The following GRIN2A variants were observed in gnomAD, a reference collection of about 807,000 sequenced individuals.
The protein encoded by GRIN2A is glutamate ionotropic receptor NMDA type subunit 2A, also known as glutamate receptor ionotropic, NMDA 2A.
A neutral mutation model predicts 113.4 loss-of-function variants in GRIN2A; 22 were observed. That is an observed-to-expected ratio of 0.19 (90% confidence interval 0.14 to 0.28). The LOEUF (loss-of-function observed/expected upper bound fraction) is 0.28, where lower values mean the gene tolerates loss of function less well. GRIN2A is among the 10% of genes least tolerant of loss of function. The pLI, the probability that GRIN2A is intolerant of heterozygous loss-of-function variation, is 1.00. For missense variants in GRIN2A, 1,502 were observed against 1,887.0 expected (o/e 0.80, Z 3.78); for synonymous variants, 827 against 738.4 (o/e 1.12, Z -1.94).
At chr16:10,101,830 G>A (rs12935686) in intron 2 of GRIN2A, among the ~76,000 whole-genome samples, 40,034 of 152,102 alleles carry the variant, frequency 0.26, 5,927 homozygotes, top group Non-Finnish European at 0.33. Flanking sequence ...CTCTAGGAGG[G>A]AATGGTTATT....
At chr16:9,873,116 G>A (rs945832502) in intron 4 of GRIN2A, among the ~76,000 whole-genome samples, 6 of 152,138 alleles carry the variant, frequency 3.9e-5, no homozygotes, top group African/African-American at 4.8e-5. Context: ...ACTTGTAAGT[G>A]GGAGCTAAAT....
At chr16:10,119,414 A>G (rs2048791191) in intron 2 of GRIN2A, among the ~76,000 whole-genome samples, 1 of 152,236 alleles carries the variant, frequency 6.6e-6, no homozygotes, top group Non-Finnish European at 1.5e-5. Context: ...TTTTCCAGAA[A>G]TCTGTTAATT....
In GRIN2A at chr16:9,754,493, C is replaced by T; in HGVS notation, c.*8656G>A. 1 of 211,970 alleles carries T rather than the reference C, an allele frequency of 4.7e-6. No individual in the cohort carries two copies. Among genetic ancestry groups the T allele is most frequent in the Admixed American group, 5.9e-5 (1 of 17,026 alleles). 13.1% of individuals were successfully genotyped at this position (211,970 alleles called of 1,614,324 possible). A position where few individuals can be genotyped will look rare whatever the true frequency, so the allele number is the denominator to read the frequency against. The stretch of plus-strand genomic sequence containing the variant: ...ACATGAATGTTAAAAGTTCCACTTT[C>T]ATCTTTTCAAATTCATCAAAAATTT... On this transcript the variant is annotated 3_prime_UTR_variant, in exon 13 of 13. Coordinates refer to ENST00000330684, the MANE Select transcript of GRIN2A (RefSeq NM_001134407.3).
intron 9 of GRIN2A, among the ~76,000 whole-genome samples, chr16:9,827,722 C>T (rs928704251): frequency 6.6e-6 from 1 of 152,140 alleles, no homozygotes; most frequent in Non-Finnish European, 1.5e-5. Context: ...GGGCTGGGCA[C>T]ACAGCGCTGC....
At chr16:9,967,358 G>A (rs546836778) in intron 2 of GRIN2A, among the ~76,000 whole-genome samples, 15 of 152,248 alleles carry the variant, frequency 9.9e-5, no homozygotes, top group Non-Finnish European at 1.3e-4. Context: ...ACCAAATATC[G>A]TTATGTTCTC....
chr16:10,042,832 T>C (rs146443829), intron 2 of GRIN2A, among the ~76,000 whole-genome samples: 1 of 152,276 alleles, frequency 6.6e-6, no homozygotes, highest in Non-Finnish European at 1.5e-5. Flanking sequence ...CATTTGTGTC[T>C]GTATGCAATG....
At chr16:10,036,520 G>A (rs1306295183) in intron 2 of GRIN2A, among the ~76,000 whole-genome samples, 1 of 132,866 alleles carries the variant, frequency 7.5e-6, no homozygotes, top group Non-Finnish European at 1.6e-5. Flanking sequence ...GTGCAGTGGC[G>A]CAATCTCGGC....
rs187154670 is a variant in GRIN2A at position 10,120,966 on chromosome 16, G to A, written c.414+59032C>T. ...GCATCTTTTCAGCCCCTGTATCCAC[G>A]ATGCTAACTGAAAAATCCTATTCTA... On this transcript the variant is annotated intron_variant, in intron 2 of 12. Transcript: ENST00000330684. Among the ~76,000 whole-genome samples the A allele has an allele frequency of 3.2e-3, 482 of 152,012 alleles. 3 individuals are homozygous for A. The highest frequency in any genetic ancestry group is 0.011 in the African/African-American group (452 of 41,406).
chr16:10,051,722 A>C (rs975687845), intron 2 of GRIN2A, among the ~76,000 whole-genome samples: 2 of 152,188 alleles, frequency 1.3e-5, no homozygotes, highest in African/African-American at 4.8e-5. Context: ...AAATACCAGG[A>C]ACGGTCACCA....
At chr16:10,146,582 C>A (rs145517065) in intron 2 of GRIN2A, among the ~76,000 whole-genome samples, 1 of 151,972 alleles carries the variant, frequency 6.6e-6, no homozygotes, top group Non-Finnish European at 1.5e-5. Context: ...AAGACTCCCC[C>A]ACAGAGTATA....
Position 9,935,234 on chromosome 16 carries a change from A to G in GRIN2A, c.1007+2725T>C, listed in dbSNP as rs557088723. ...ATATTCCAGCTGCAGGGCACATATTATGATGGAAGTGAGAATTCATTAGCC... is the reference window on the plus strand; with the variant it reads ...ATATTCCAGCTGCAGGGCACATATTGTGATGGAAGTGAGAATTCATTAGCC... On this transcript the variant is annotated intron_variant, in intron 3 of 12. Coordinates refer to ENST00000330684, the MANE Select transcript of GRIN2A (RefSeq NM_001134407.3). Among the ~76,000 whole-genome samples the G allele has an allele frequency of 8.5e-5, 13 of 152,280 alleles. No individual in the cohort carries two copies. The South Asian group carries it at 2.7e-3, about 32-fold the overall frequency.
intron 2 of GRIN2A, among the ~76,000 whole-genome samples, chr16:10,018,478 G>T (rs1029469811): frequency 6.6e-6 from 1 of 152,196 alleles, no homozygotes; most frequent in East Asian, 1.9e-4. Flanking sequence ...GCAGCTGCGT[G>T]CTAAGGGGGT....
chr16:9,920,553 A>G (rs2044338836), intron 3 of GRIN2A, among the ~76,000 whole-genome samples: 1 of 149,284 alleles, frequency 6.7e-6, no homozygotes, highest in Non-Finnish European at 1.5e-5. Context: ...CTCCCTGCAT[A>G]TATGTGAATT....
At chr16:9,875,344 T>A (rs972355965) in intron 4 of GRIN2A, among the ~76,000 whole-genome samples, 1 of 152,102 alleles carries the variant, frequency 6.6e-6, no homozygotes, top group African/African-American at 2.4e-5. Flanking sequence ...ATATGCAACC[T>A]CTTTTTATCT....
intron 4 of GRIN2A, among the ~76,000 whole-genome samples, chr16:9,861,593 T>C (rs1415535750): frequency 2.0e-5 from 3 of 152,218 alleles, no homozygotes; most frequent in East Asian, 1.9e-4. Flanking sequence ...TGTGGCTTGA[T>C]ATTAGGTTGA....
intron 11 of GRIN2A, among the ~76,000 whole-genome samples, chr16:9,795,700 A>G (rs1902941715): frequency 6.6e-6 from 1 of 152,196 alleles, no homozygotes; most frequent in Non-Finnish European, 1.5e-5. Context: ...CTCCCATTTC[A>G]TCTTCACACC....
chr16:9,992,906 C>G (rs2046148341), intron 2 of GRIN2A, among the ~76,000 whole-genome samples: 1 of 152,122 alleles, frequency 6.6e-6, no homozygotes, highest in Non-Finnish European at 1.5e-5. Flanking sequence ...ATGATAAACT[C>G]TCATATCTAA....
intron 2 of GRIN2A, among the ~76,000 whole-genome samples, chr16:10,086,501 C>A (rs2048087213): frequency 6.6e-6 from 1 of 150,914 alleles, no homozygotes; most frequent in Admixed American, 6.7e-5. Flanking sequence ...CCAGACTTAA[C>A]TGCAAGTGAG....
chr16:10,072,354 T>A (rs1318836418), intron 2 of GRIN2A, among the ~76,000 whole-genome samples: 1 of 152,180 alleles, frequency 6.6e-6, no homozygotes, highest in Non-Finnish European at 1.5e-5. Context: ...AGCTGACCTG[T>A]GTGGGTTAAA....
Sources: allele counts gnomAD v4.1 joint callset (sites outside exome capture counted in the v4.1 genomes callset), GRCh38; gene constraint gnomAD v4.1.1; transcripts MANE v1.5; gene names NCBI Gene and HGNC (gene_info 2026-07-23, HGNC 2026-07-21).